IMMP2L: variants seen among roughly 807,000 people sequenced by gnomAD.
IMMP2L encodes mitochondrial inner membrane protease subunit 2.
IMMP2L carries 18 observed loss-of-function variants against 19.3 expected under a neutral mutation model. The observed-to-expected ratio is 0.93, with a 90% confidence interval of 0.64 to 1.38. The LOEUF is 1.38. Among genes scored for constraint, IMMP2L ranks in the 40% most tolerant of loss-of-function variants. IMMP2L has a pLI of 0.00. For synonymous variants in IMMP2L, 76 were observed against 73.0 expected (o/e 1.04, Z -0.21); for missense variants, 233 against 218.2 (o/e 1.07, Z -0.43).
chr7:110,669,165 T>C (rs936630034), intron 5 of IMMP2L, among the ~76,000 whole-genome samples: 1 of 151,722 alleles, frequency 6.6e-6, no homozygotes, highest in Non-Finnish European at 1.5e-5. Context: ...CATGTGATTA[T>C]GGAGGCTTGG....
chr7:111,209,267 C>T (rs1411139078), intron 3 of IMMP2L, among the ~76,000 whole-genome samples: 1 of 151,816 alleles, frequency 6.6e-6, no homozygotes, highest in Non-Finnish European at 1.5e-5. Flanking sequence ...CATGGTGGCA[C>T]GCACCTGTAG....
chr7:111,494,105 T>C (rs1304287736), intron 2 of IMMP2L, among the ~76,000 whole-genome samples: 3 of 152,190 alleles, frequency 2.0e-5, no homozygotes, highest in East Asian at 3.8e-4. Flanking sequence ...ACAGAATCTG[T>C]ATTTTCTTGT....
intron 3 of IMMP2L, among the ~76,000 whole-genome samples, chr7:111,176,056 C>T (rs919489029): frequency 2.0e-5 from 3 of 151,842 alleles, no homozygotes; most frequent in Non-Finnish European, 2.9e-5. Flanking sequence ...AAATGCAAAG[C>T]GAAACTACAA....
chr7:110,930,965 G>C lies in IMMP2L; in HGVS notation c.305+32535C>G, dbSNP rs184336144. 1.2e-3 allele frequency among the ~76,000 whole-genome samples: 178 copies of C among 152,262 alleles called. 1 individual carries two copies. Among genetic ancestry groups the C allele is most frequent in the Non-Finnish European group, 1.4e-3 (94 of 68,028 alleles). On this transcript the variant is annotated intron_variant, in intron 4 of 5. Coordinates refer to ENST00000405709, the MANE Select transcript of IMMP2L (RefSeq NM_032549.4). ...TGGTTGAATCACTAATAAATTATGT[G>C]ATCTTAAAATACCCCATTCGGGCCA...
intron 1 of IMMP2L, among the ~76,000 whole-genome samples, chr7:111,528,512 C>G (rs1449062767): frequency 6.6e-6 from 1 of 152,134 alleles, no homozygotes; most frequent in Non-Finnish European, 1.5e-5. Context: ...TATTTGCCAC[C>G]TGGCATACAG....
chr7:110,833,533 T>A (rs1804164118), intron 5 of IMMP2L, among the ~76,000 whole-genome samples: 1 of 151,968 alleles, frequency 6.6e-6, no homozygotes, highest in Admixed American at 6.6e-5. Flanking sequence ...TTAGACCATC[T>A]GGGGGGATGG....
At chr7:110,934,820 C>A (rs775755759) in intron 4 of IMMP2L, among the ~76,000 whole-genome samples, 44 of 152,078 alleles carry the variant, frequency 2.9e-4, no homozygotes, top group Admixed American at 3.9e-4. Flanking sequence ...GGATTGCAAC[C>A]ACTGCTTTTT....
chr7:110,938,722 C>G (rs1161055358), intron 4 of IMMP2L, among the ~76,000 whole-genome samples: 1 of 151,874 alleles, frequency 6.6e-6, no homozygotes, highest in African/African-American at 2.4e-5. Flanking sequence ...ACTTTTACCC[C>G]CTAAATCTAC....
intron 2 of IMMP2L, among the ~76,000 whole-genome samples, chr7:111,499,373 C>G (rs1398336130): frequency 1.2e-4 from 19 of 152,118 alleles, no homozygotes; most frequent in Admixed American, 1.2e-3. Context: ...TCATATCCCT[C>G]ACATATGCAA....
intron 3 of IMMP2L, among the ~76,000 whole-genome samples, chr7:111,229,280 G>A (rs948570899): frequency 3.3e-5 from 5 of 151,814 alleles, no homozygotes; most frequent in African/African-American, 1.2e-4. Context: ...AGGAAATACC[G>A]AGAGTATTTA....
At chr7:111,370,398 C>T (rs1183584219) in intron 3 of IMMP2L, among the ~76,000 whole-genome samples, 1 of 152,094 alleles carries the variant, frequency 6.6e-6, no homozygotes, top group East Asian at 1.9e-4. Context: ...CAACTAAGTA[C>T]TACTGGGCTT....
chr7:110,813,353 G>C (rs1050396992), intron 5 of IMMP2L, among the ~76,000 whole-genome samples: 1 of 151,492 alleles, frequency 6.6e-6, no homozygotes, highest in African/African-American at 2.4e-5. Flanking sequence ...CATTACTTCA[G>C]GTCTGTTTTG....
chr7:111,201,473 T>C (rs553903950), intron 3 of IMMP2L, among the ~76,000 whole-genome samples: 105 of 151,998 alleles, frequency 6.9e-4, no homozygotes, highest in African/African-American at 2.4e-3. Flanking sequence ...CCCAACACTT[T>C]GGGAGGCTGA....
At chr7:110,932,834 G>C (rs1310572221) in intron 4 of IMMP2L, among the ~76,000 whole-genome samples, 5 of 152,172 alleles carry the variant, frequency 3.3e-5, no homozygotes, top group African/African-American at 1.2e-4. Context: ...AGAGATAATT[G>C]AAAGAATAGG....
intron 4 of IMMP2L, among the ~76,000 whole-genome samples, chr7:110,943,088 T>C (rs1164754879): frequency 2.0e-5 from 3 of 152,012 alleles, no homozygotes; most frequent in Non-Finnish European, 2.9e-5. Context: ...AGAAATTTAG[T>C]TCAGGATCAC....
intron 3 of IMMP2L, among the ~76,000 whole-genome samples, chr7:111,200,251 T>C (rs189149673): frequency 6.6e-6 from 1 of 152,266 alleles, no homozygotes; most frequent in Non-Finnish European, 1.5e-5. Context: ...GCAGGATTCA[T>C]GATATTGTCT....
chr7:111,540,163 C>T (rs1464960014), intron 1 of IMMP2L, among the ~76,000 whole-genome samples: 1 of 152,132 alleles, frequency 6.6e-6, no homozygotes. Flanking sequence ...ATCCACCAAA[C>T]TCATATTTAA....
intron 3 of IMMP2L, among the ~76,000 whole-genome samples, chr7:111,010,396 T>C (rs984612684): frequency 3.3e-5 from 5 of 152,132 alleles, no homozygotes; most frequent in African/African-American, 1.2e-4. Flanking sequence ...TTAATCATTT[T>C]AATGGTTTTC....
At chr7:110,719,212 A>C (rs1795422274) in intron 5 of IMMP2L, among the ~76,000 whole-genome samples, 1 of 152,238 alleles carries the variant, frequency 6.6e-6, no homozygotes, top group Non-Finnish European at 1.5e-5. Flanking sequence ...ATAGGAATAA[A>C]GGAAAAGTCA....
Sources: gnomAD v4.1 joint callset for allele counts (sites outside exome capture counted in the v4.1 genomes callset) on GRCh38, gnomAD v4.1.1 for gene constraint, MANE v1.5 for transcripts, NCBI Gene and HGNC (gene_info 2026-07-23, HGNC 2026-07-21) for gene names.